The following TMEM131L variants were observed in gnomAD, a reference collection of about 807,000 sequenced individuals.
TMEM131L encodes the protein transmembrane protein 131-like.
Under a neutral mutation model 192.2 loss-of-function variants are expected in TMEM131L, and 54 were observed. The ratio of observed to expected loss-of-function variants is 0.28; its 90% CI spans 0.23 to 0.35. The LOEUF is 0.35. Among genes scored for constraint, TMEM131L ranks in the 10% least tolerant of loss-of-function variants. TMEM131L has a pLI of 1.00. For synonymous variants in TMEM131L, 701 were observed against 704.9 expected, an observed-to-expected ratio of 0.99 and a Z score of 0.09; for missense variants, 1,888 against 1,972.9, an observed-to-expected ratio of 0.96 and a Z score of 0.82.
At chr4:153,556,583 G>C (rs1728469274) in intron 5 of TMEM131L, among the ~76,000 whole-genome samples, 2 of 152,094 alleles carry the variant, frequency 1.3e-5, no homozygotes, top group Non-Finnish European at 2.9e-5. Context: ...AGTCTGTCTG[G>C]GTAAACGTTG....
At chr4:153,599,079 G>A (rs993376713) in intron 21 of TMEM131L, among the ~76,000 whole-genome samples, 3 of 152,148 alleles carry the variant, frequency 2.0e-5, no homozygotes, top group Non-Finnish European at 4.4e-5. Flanking sequence ...TCATGGCTCT[G>A]CAGGTTGTGT....
At chr4:153,475,834 G>A (rs1408031186) in intron 3 of TMEM131L, among the ~76,000 whole-genome samples, 5 of 152,106 alleles carry the variant, frequency 3.3e-5, no homozygotes, top group Non-Finnish European at 7.4e-5. Flanking sequence ...ATGTGCATAG[G>A]TTATATGCAA....
At chr4:153,489,684 G>T (rs1341684955) in intron 3 of TMEM131L, among the ~76,000 whole-genome samples, 1 of 152,082 alleles carries the variant, frequency 6.6e-6, no homozygotes, top group African/African-American at 2.4e-5. Flanking sequence ...CACCATGTTG[G>T]TCAGGCTGGT....
intron 4 of TMEM131L, among the ~76,000 whole-genome samples, chr4:153,554,415 G>A (rs993172316): frequency 5.3e-5 from 8 of 152,150 alleles, no homozygotes; most frequent in Non-Finnish European, 1.0e-4. Flanking sequence ...TAAACCTTTC[G>A]TTAAGACTAG....
intron 31 of TMEM131L, among the ~76,000 whole-genome samples, chr4:153,631,115 G>A (rs182781146): frequency 1.3e-5 from 2 of 152,366 alleles, no homozygotes; most frequent in East Asian, 3.9e-4. Flanking sequence ...GATCAAAATG[G>A]TTGTGGTCCT....
intron 7 of TMEM131L, among the ~76,000 whole-genome samples, chr4:153,561,863 C>G (rs1728865077): frequency 6.6e-6 from 1 of 151,758 alleles, no homozygotes; most frequent in Admixed American, 6.6e-5. Context: ...TGTCCCTACT[C>G]TTGTGGTGTT....
Position 153,565,110 on chromosome 4 carries a change from A to T in TMEM131L, c.660+6742A>T, listed in dbSNP as rs564292690. On this transcript the variant is annotated intron_variant, in intron 7 of 34. Coordinates refer to ENST00000409959, the MANE Select transcript of TMEM131L (RefSeq NM_001131007.2). ...CAGGCAGCCTGTGCTCGAGGTCTGCATGCCGCTTGGTCCACACCCTGCCTT... is the reference window on the plus strand; with the variant it reads ...CAGGCAGCCTGTGCTCGAGGTCTGCTTGCCGCTTGGTCCACACCCTGCCTT... Among the ~76,000 whole-genome samples, 8 of 152,300 alleles carry T rather than the reference A, an allele frequency of 5.3e-5. 2 individuals carry two copies. Among genetic ancestry groups the T allele is most frequent in the African/African-American group, 1.9e-4 (8 of 41,556 alleles).
intron 3 of TMEM131L, among the ~76,000 whole-genome samples, chr4:153,546,334 G>T (rs1408620793): frequency 6.6e-6 from 1 of 152,050 alleles, no homozygotes; most frequent in East Asian, 1.9e-4. Flanking sequence ...CCAGGTTGTG[G>T]GGACTCCTAA....
intron 3 of TMEM131L, among the ~76,000 whole-genome samples, chr4:153,513,865 A>G (rs932795021): frequency 2.0e-5 from 3 of 152,196 alleles, no homozygotes; most frequent in African/African-American, 4.8e-5. Context: ...TTACACTAAA[A>G]ATTCTTGACT....
At chr4:153,467,991 A>G (rs190248215) in intron 2 of TMEM131L, among the ~76,000 whole-genome samples, 9 of 152,334 alleles carry the variant, frequency 5.9e-5, no homozygotes, top group Admixed American at 3.9e-4. Context: ...GCCTTTCACC[A>G]GTAACGGTAG....
intron 4 of TMEM131L, among the ~76,000 whole-genome samples, chr4:153,552,031 A>G (rs1737663813): frequency 6.6e-6 from 1 of 151,930 alleles, no homozygotes; most frequent in African/African-American, 2.4e-5. Flanking sequence ...CAACATGGCA[A>G]AACCCGTGAC....
chr4:153,487,764 C>T (rs565845894), intron 3 of TMEM131L, among the ~76,000 whole-genome samples: 1 of 138,080 alleles, frequency 7.2e-6, no homozygotes, highest in African/African-American at 2.7e-5. Context: ...TGTGGCTGAG[C>T]TGTATGTGTG....
chr4:153,622,287 C>T (rs112436687), intron 28 of TMEM131L, among the ~76,000 whole-genome samples: 1,608 of 152,194 alleles, frequency 0.011, 11 homozygotes, highest in Middle Eastern at 0.034. Context: ...GTGCTGAGTC[C>T]AGGGTCTGGT....
At chr4:153,627,872 G>T (rs536424953) in intron 31 of TMEM131L, among the ~76,000 whole-genome samples, 185 bp downstream of exon 31, 1 of 152,162 alleles carries the variant, frequency 6.6e-6, no homozygotes, top group Non-Finnish European at 1.5e-5. Flanking sequence ...GCATCATTGG[G>T]GCCCCAGCTG....
chr4:153,519,094 AT>A (rs1192533679), intron 3 of TMEM131L, among the ~76,000 whole-genome samples: 1 of 152,150 alleles, frequency 6.6e-6, no homozygotes, highest in African/African-American at 2.4e-5. Context: ...GATTTGTCAA[AT>A]TGGTGATAAG....
chr4:153,471,909 G>A (rs1237627937), intron 2 of TMEM131L, among the ~76,000 whole-genome samples: 1 of 152,240 alleles, frequency 6.6e-6, no homozygotes, highest in Non-Finnish European at 1.5e-5. Context: ...AGAGGGTGTA[G>A]ATAACGGAAA....
At chr4:153,548,842 T>C (rs1737391188) in intron 3 of TMEM131L, among the ~76,000 whole-genome samples, 1 of 151,958 alleles carries the variant, frequency 6.6e-6, no homozygotes, top group African/African-American at 2.4e-5. Flanking sequence ...TGCTGAAAGG[T>C]CACAAAGCCT....
At chr4:153,550,017 C>A in intron 3 of TMEM131L, 56 bp from the exon 4 acceptor site, 1 of 830,898 alleles carries the variant, frequency 1.2e-6, no homozygotes, top group Non-Finnish European at 1.9e-6. Context: ...TACGTTATAT[C>A]TCAGCATTTA....
At chr4:153,596,723 G>A (rs1731466210) in intron 20 of TMEM131L, among the ~76,000 whole-genome samples, 1 of 152,212 alleles carries the variant, frequency 6.6e-6, no homozygotes. Flanking sequence ...ATCGTTAAAG[G>A]ACTGCTGTAG....
Sources: gnomAD v4.1 joint callset for allele counts (sites outside exome capture counted in the v4.1 genomes callset) on GRCh38, gnomAD v4.1.1 for gene constraint, MANE v1.5 for transcripts, NCBI Gene and HGNC (gene_info 2026-07-23, HGNC 2026-07-21) for gene names.